SYTL3: variants seen among roughly 807,000 people sequenced by gnomAD.
The protein encoded by SYTL3 is synaptotagmin-like protein 3.
Under a neutral mutation model 82.1 loss-of-function variants are expected in SYTL3, and 88 were observed. The observed-to-expected ratio is 1.07, with a 90% CI of 0.90 to 1.28. The LOEUF is 1.28. SYTL3 is among the 50% of genes most tolerant of loss of function. The probability of loss-of-function intolerance (pLI) is 0.00; values close to 1 mark genes in which losing one functional copy is unlikely to be tolerated. For synonymous variants in SYTL3, 311 were observed against 289.4 expected (o/e 1.07, Z -0.76); for missense variants, 831 against 757.6 (o/e 1.10, Z -1.14).
At chr6:158,737,039 C>CAAAAA (rs201499466) in intron 11 of SYTL3, among the ~76,000 whole-genome samples, 1 of 113,842 alleles carries the variant, frequency 8.8e-6, no homozygotes, top group African/African-American at 3.1e-5. Flanking sequence ...CATTTCATGG[C>CAAAAA]AAAAAAAAAA....
At chr6:158,693,858 T>TTCTTTTCTTTTCTTTTTTC (rs1224791292) in intron 6 of SYTL3, among the ~76,000 whole-genome samples, 1 of 120,432 alleles carries the variant, frequency 8.3e-6, no homozygotes, top group African/African-American at 4.5e-5. Context: ...TTCTTTTCTT[T>TTCTTTTCTTTTCTTTTTTC]TTTTTTTTTT....
At chr6:158,648,607 AAATAAT>A (rs1554234541), upstream of SYTL3, among the ~76,000 whole-genome samples, 4 of 127,340 alleles carry the variant, frequency 3.1e-5, no homozygotes, top group African/African-American at 6.0e-5. Flanking sequence ...AAAAAAAAAA[AAATAAT>A]AATAATAATA....
At chr6:158,745,900 C>G (rs1385838847) in intron 12 of SYTL3, among the ~76,000 whole-genome samples, 1 of 152,146 alleles carries the variant, frequency 6.6e-6, no homozygotes, top group Non-Finnish European at 1.5e-5. Context: ...TGAAAACTTA[C>G]ATGATCAAGG....
intron 12 of SYTL3, among the ~76,000 whole-genome samples, chr6:158,748,321 CA>C (rs1787929838): frequency 6.6e-6 from 1 of 152,136 alleles, no homozygotes; most frequent in African/African-American, 2.4e-5. Flanking sequence ...ATTAAGTACA[CA>C]TTTCTATAGC....
chr6:158,664,874 A>G (rs1789833438), intron 4 of SYTL3, among the ~76,000 whole-genome samples: 1 of 151,028 alleles, frequency 6.6e-6, no homozygotes, highest in Non-Finnish European at 1.5e-5. Flanking sequence ...CACTATGGCT[A>G]TTTGTCTAGG....
chr6:158,744,064 A>G (rs564053335), intron 11 of SYTL3, among the ~76,000 whole-genome samples: 230 of 151,452 alleles, frequency 1.5e-3, no homozygotes, highest in African/African-American at 5.3e-3. Context: ...GATTACAGGT[A>G]CGCGCCACTT....
chr6:158,719,238 C>T (rs1583356172), intron 10 of SYTL3, among the ~76,000 whole-genome samples: 1 of 152,304 alleles, frequency 6.6e-6, no homozygotes, highest in Middle Eastern at 3.4e-3. Context: ...CTCATTTTAT[C>T]TTCATAACCA....
chr6:158,677,218 A>G (rs1406049180), intron 5 of SYTL3, among the ~76,000 whole-genome samples: 5 of 152,138 alleles, frequency 3.3e-5, no homozygotes, highest in African/African-American at 1.2e-4. Flanking sequence ...ATGGAATACT[A>G]TGCAGCCATA....
At chr6:158,658,290 G>A (rs1185891384) in intron 2 of SYTL3, among the ~76,000 whole-genome samples, 1 of 151,286 alleles carries the variant, frequency 6.6e-6, no homozygotes, top group Non-Finnish European at 1.5e-5. Context: ...ATTTTTTTTT[G>A]CCTAAATGAC....
chr6:158,728,245 G>A (rs73018233), intron 11 of SYTL3, among the ~76,000 whole-genome samples: 13,888 of 151,738 alleles, frequency 0.092, 835 homozygotes, highest in African/African-American at 0.17. Flanking sequence ...GCTCCAGCTC[G>A]TTACTATTTT....
intron 8 of SYTL3, 128 bp from the exon 9 acceptor site, chr6:158,713,672 G>C: frequency 1.4e-6 from 1 of 701,822 alleles, no homozygotes; most frequent in Non-Finnish European, 2.5e-6. Context: ...TGCACCCCCA[G>C]CACCACGCCC....
intron 5 of SYTL3, among the ~76,000 whole-genome samples, chr6:158,673,115 A>G (rs573897944): frequency 6.6e-6 from 1 of 152,118 alleles, no homozygotes; most frequent in South Asian, 2.1e-4. Context: ...ATGTTTTAAG[A>G]CAAGGTCTTA....
At chr6:158,747,541 G>A (rs1024858302) in intron 12 of SYTL3, among the ~76,000 whole-genome samples, 9 of 151,874 alleles carry the variant, frequency 5.9e-5, no homozygotes, top group Admixed American at 2.6e-4. Context: ...ACAGTTCACT[G>A]CAGGCTCAAG....
intron 9 of SYTL3, among the ~76,000 whole-genome samples, chr6:158,714,944 A>T (rs192400998): frequency 6.6e-6 from 1 of 152,162 alleles, no homozygotes; most frequent in Admixed American, 6.5e-5. Context: ...GTCTCATGCA[A>T]TGGTCTGTTC....
At chr6:158,752,415 C>T (rs1450779536) in intron 13 of SYTL3, among the ~76,000 whole-genome samples, 1 of 152,174 alleles carries the variant, frequency 6.6e-6, no homozygotes, top group Non-Finnish European at 1.5e-5. Context: ...AATTAAACTC[C>T]TGAGTTACTG....
chr6:158,705,522 G>A (rs867411267), intron 6 of SYTL3, among the ~76,000 whole-genome samples: 11 of 124,922 alleles, frequency 8.8e-5, no homozygotes, highest in African/African-American at 2.6e-4. Flanking sequence ...GGAAGAACCC[G>A]GGGCAGGGTA....
intron 2 of SYTL3, among the ~76,000 whole-genome samples, chr6:158,660,868 C>T (rs992975469): frequency 6.6e-6 from 1 of 152,078 alleles, no homozygotes; most frequent in Admixed American, 6.6e-5. Flanking sequence ...GACCAGCCTG[C>T]GCAACATGGT....
At chr6:158,653,966 C>G (rs1788367736) in intron 2 of SYTL3, among the ~76,000 whole-genome samples, 1 of 152,310 alleles carries the variant, frequency 6.6e-6, no homozygotes, top group Middle Eastern at 3.4e-3. Context: ...TTCCCATCCT[C>G]CTCATCTCTT....
intron 5 of SYTL3, among the ~76,000 whole-genome samples, chr6:158,675,807 G>T (rs1049146486): frequency 6.6e-6 from 1 of 152,106 alleles, no homozygotes; most frequent in African/African-American, 2.4e-5. Context: ...TAAATTAGCC[G>T]GGCGCGGTGG....
Sources: gnomAD v4.1 joint callset for allele counts (sites outside exome capture counted in the v4.1 genomes callset) on GRCh38, gnomAD v4.1.1 for gene constraint, MANE v1.5 for transcripts, NCBI Gene and HGNC (gene_info 2026-07-23, HGNC 2026-07-21) for gene names.